ZBTB7C: variants seen among roughly 807,000 people sequenced by gnomAD.
The protein encoded by ZBTB7C is zinc finger and BTB domain containing 7C.
In ZBTB7C, 8 loss-of-function variants were observed where a neutral mutation model predicts 25.7. The ratio of observed to expected loss-of-function variants is 0.31; its 90% confidence interval spans 0.18 to 0.56. The LOEUF is 0.56. Among genes scored for constraint, ZBTB7C ranks in the 20% least tolerant of loss-of-function variants. The pLI, the probability that ZBTB7C is intolerant of heterozygous loss-of-function variation, is 0.91. For synonymous variants in ZBTB7C, 394 were observed against 369.0 expected, an observed-to-expected ratio of 1.07 and a Z score of -0.78; for missense variants, 824 against 855.2, an observed-to-expected ratio of 0.96 and a Z score of 0.46.
At chr18:48,047,971 C>T (rs1466872423) in intron 3 of ZBTB7C, among the ~76,000 whole-genome samples, 2 of 152,190 alleles carry the variant, frequency 1.3e-5, no homozygotes, top group African/African-American at 4.8e-5. Flanking sequence ...AACCCAGCTG[C>T]GTTTGATGCC....
intron 2 of ZBTB7C, among the ~76,000 whole-genome samples, chr18:48,228,624 C>T (rs1043641091): frequency 1.3e-5 from 2 of 151,976 alleles, no homozygotes; most frequent in Admixed American, 6.6e-5. Context: ...CTGTGGTTGC[C>T]GCCCCCCTGC....
intron 3 of ZBTB7C, among the ~76,000 whole-genome samples, chr18:48,103,208 C>T (rs951619987): frequency 2.7e-5 from 4 of 150,540 alleles, no homozygotes; most frequent in African/African-American, 4.9e-5. Flanking sequence ...GCCTAAGACA[C>T]GCAAAGGTCA....
chr18:48,170,537 G>A (rs895619310), intron 3 of ZBTB7C, among the ~76,000 whole-genome samples: 32 of 152,310 alleles, frequency 2.1e-4, no homozygotes, highest in African/African-American at 7.2e-4. Context: ...GCAGCCTCAG[G>A]GATGAGCATT....
At chr18:48,366,754 A>G (rs1010723957) in intron 1 of ZBTB7C, among the ~76,000 whole-genome samples, 2 of 152,256 alleles carry the variant, frequency 1.3e-5, no homozygotes, top group Non-Finnish European at 2.9e-5. Context: ...GTTTTCATAT[A>G]TCAGGTTGGC....
intron 3 of ZBTB7C, among the ~76,000 whole-genome samples, chr18:48,180,014 C>CCCTT (rs375803071): frequency 4.6e-4 from 60 of 131,458 alleles, no homozygotes; most frequent in East Asian, 7.7e-4. Context: ...AAGATATTTC[C>CCCTT]CCTTCCTTCC....
Position 48,093,549 on chromosome 18 carries a change from A to G in ZBTB7C, c.-16-52426T>C, listed in dbSNP as rs138825946. ...GACAGGGCTGTCCTCCTGATGGCCC[A>G]CAATCCAGCTATGTAAGTGACTGCC... On this transcript the variant is annotated intron_variant, in intron 3 of 4. Transcript: ENST00000590800. Among the ~76,000 whole-genome samples, 159 of 152,322 alleles carry G rather than the reference A, an allele frequency of 1.0e-3. No individual in the cohort carries two copies. In the East Asian group the frequency reaches 0.029, roughly 27 times the overall value.
intron 2 of ZBTB7C, among the ~76,000 whole-genome samples, chr18:48,315,206 C>T (rs1337838533): frequency 6.6e-6 from 1 of 152,154 alleles, no homozygotes; most frequent in Non-Finnish European, 1.5e-5. Flanking sequence ...GAGAGGATCA[C>T]CAGTTGAGAG....
intron 3 of ZBTB7C, among the ~76,000 whole-genome samples, chr18:48,094,595 A>T (rs185176410): frequency 5.3e-4 from 81 of 152,138 alleles, no homozygotes; most frequent in South Asian, 5.2e-3. Context: ...GAAGTAGTTT[A>T]AAAAAAATTC....
intron 3 of ZBTB7C, among the ~76,000 whole-genome samples, chr18:48,147,268 G>A (rs191498124): frequency 6.6e-6 from 1 of 152,290 alleles, no homozygotes; most frequent in African/African-American, 2.4e-5. Context: ...AGTAGAAAGA[G>A]GGTTTCATCA....
chr18:48,389,694 T>C (rs1410669176), intron 1 of ZBTB7C, among the ~76,000 whole-genome samples: 2 of 152,072 alleles, frequency 1.3e-5, no homozygotes, highest in Admixed American at 1.3e-4. Context: ...ACCACATTCC[T>C]GTGCAGTGAG....
intron 1 of ZBTB7C, among the ~76,000 whole-genome samples, chr18:48,338,723 G>A (rs975709429): frequency 9.9e-5 from 15 of 152,264 alleles, no homozygotes; most frequent in South Asian, 2.1e-4. Context: ...CCTAGCCATC[G>A]TTCAGAGTTT....
At chr18:48,366,495 T>A (rs532363924) in intron 1 of ZBTB7C, among the ~76,000 whole-genome samples, 29 of 152,234 alleles carry the variant, frequency 1.9e-4, no homozygotes, top group Admixed American at 3.3e-4. Flanking sequence ...AGCCAAAAGA[T>A]AAATGACAAA....
chr18:48,115,874 T>G (rs1249339802), intron 3 of ZBTB7C, among the ~76,000 whole-genome samples: 1 of 151,910 alleles, frequency 6.6e-6, no homozygotes, highest in Non-Finnish European at 1.5e-5. Flanking sequence ...TAATTCAGGA[T>G]AGTGACAGCT....
Position 48,073,100 on chromosome 18 carries a change from T to C in ZBTB7C, c.-16-31977A>G, listed in dbSNP as rs1313885448. ...GCCCAGTTTGGCCATGGAAAACTGG[T>C]TTGGCTCAGAACTGGCCAGAGTGGA... On this transcript the variant is annotated intron_variant, in intron 3 of 4. Coordinates refer to ENST00000590800, the MANE Select transcript of ZBTB7C (RefSeq NM_001318841.2). Among the ~76,000 whole-genome samples, 4 of 152,190 alleles carry C rather than the reference T, an allele frequency of 2.6e-5. No individual in the cohort carries two copies. The East Asian group carries it at 7.7e-4, about 29-fold the overall frequency.
At chr18:48,195,087 T>C (rs2042287019) in intron 2 of ZBTB7C, among the ~76,000 whole-genome samples, 1 of 152,142 alleles carries the variant, frequency 6.6e-6, no homozygotes, top group Admixed American at 6.6e-5. Context: ...TATACTATGG[T>C]AGGGGCCCTC....
chr18:48,044,630 T>C (rs957134794), intron 3 of ZBTB7C, among the ~76,000 whole-genome samples: 1 of 152,224 alleles, frequency 6.6e-6, no homozygotes, highest in Non-Finnish European at 1.5e-5. Flanking sequence ...TGAGCATCTG[T>C]GCAGTGGGCA....
At chr18:48,366,814 T>C (rs1425868957) in intron 1 of ZBTB7C, among the ~76,000 whole-genome samples, 2 of 152,170 alleles carry the variant, frequency 1.3e-5, no homozygotes, top group Admixed American at 6.5e-5. Flanking sequence ...GTATAACAAT[T>C]CTTATCTACA....
At chr18:48,217,887 G>T (rs78475259) in intron 2 of ZBTB7C, among the ~76,000 whole-genome samples, 9,426 of 152,206 alleles carry the variant, frequency 0.062, 398 homozygotes, top group Middle Eastern at 0.15. Flanking sequence ...CTAGAATAGA[G>T]AACAATGTGC....
At chr18:48,285,157 T>G (rs370914175) in intron 2 of ZBTB7C, among the ~76,000 whole-genome samples, 4 of 152,356 alleles carry the variant, frequency 2.6e-5, no homozygotes, top group African/African-American at 9.6e-5. Context: ...CTCATGCTTG[T>G]TACTTGTATT....
Sources: gnomAD v4.1 joint callset for allele counts (sites outside exome capture counted in the v4.1 genomes callset) on GRCh38, gnomAD v4.1.1 for gene constraint, MANE v1.5 for transcripts, NCBI Gene and HGNC (gene_info 2026-07-23, HGNC 2026-07-21) for gene names.